Variants in MYO9B observed in about 807,000 individuals in gnomAD.
The protein encoded by MYO9B is unconventional myosin-IXb.
A neutral mutation model predicts 229.5 loss-of-function variants in MYO9B; 71 were observed. The observed-to-expected ratio is 0.31, with a 90% CI of 0.26 to 0.38. The LOEUF (loss-of-function observed/expected upper bound fraction) is 0.38, where lower values mean the gene tolerates loss of function less well. Ranked by LOEUF, MYO9B falls within the 10% of genes least tolerant of loss-of-function variation. The pLI is 1.00. For synonymous variants in MYO9B, 1,185 were observed against 1,235.8 expected, an observed-to-expected ratio of 0.96 and a Z score of 0.86; for missense variants, 2,255 against 2,920.5, an observed-to-expected ratio of 0.77 and a Z score of 5.25.
At chr19:17,169,770 G>A (rs1218568197) in intron 11 of MYO9B, among the ~76,000 whole-genome samples, 1 of 131,450 alleles carries the variant, frequency 7.6e-6, no homozygotes, top group African/African-American at 3.0e-5. Context: ...TTCCCTCTGT[G>A]TCTGCATCAT....
chr19:17,205,051 C>T (rs914082466), intron 30 of MYO9B, among the ~76,000 whole-genome samples: 1 of 151,344 alleles, frequency 6.6e-6, no homozygotes, highest in Non-Finnish European at 1.5e-5. Flanking sequence ...CTCGGGAGGC[C>T]GAGGCAGGAG....
chr19:17,123,424 TTGTGTG>T (rs3222984), intron 2 of MYO9B, among the ~76,000 whole-genome samples: 19,351 of 146,844 alleles, frequency 0.13, 1,461 homozygotes, highest in African/African-American at 0.22. Flanking sequence ...CAGTAGAAAT[TTGTGTG>T]TGTGTGTGTG....
At chr19:17,094,966 C>T (rs2057673985) in intron 1 of MYO9B, among the ~76,000 whole-genome samples, 1 of 150,282 alleles carries the variant, frequency 6.7e-6, no homozygotes, top group Admixed American at 6.6e-5. Context: ...TGGCCAGGCG[C>T]AGTGGCTCAT....
chr19:17,194,890 G>A lies in MYO9B; in HGVS notation c.3463G>A (p.Gly1155Arg), dbSNP rs1313413917. The A allele has an allele frequency of 6.2e-7, 1 of 1,613,384 alleles. No homozygotes were observed. The highest frequency in any genetic ancestry group is 1.1e-5 in the South Asian group (1 of 91,080). The change falls in exon 22 of 40, where the codon GGG (glycine) becomes AGG (arginine). Residue 1155 changes from glycine (G) to arginine (R), a missense_variant. Coordinates refer to ENST00000682292, the MANE Select transcript of MYO9B (RefSeq NM_004145.4). ...REKRESRRQRGLEHVKFQNKH... is the reference protein window; with the variant it reads ...REKRESRRQRRLEHVKFQNKH... ...GAAGCGTGAGTCGCGTCGGCAAAGAGGGCTGGAGCACGTCAAGTTCCAGAA... is the reference window on the plus strand; with the variant it reads ...GAAGCGTGAGTCGCGTCGGCAAAGAAGGCTGGAGCACGTCAAGTTCCAGAA...
chr19:17,204,669 C>A (rs1318388541), intron 30 of MYO9B, among the ~76,000 whole-genome samples: 1 of 151,138 alleles, frequency 6.6e-6, no homozygotes, highest in African/African-American at 2.4e-5. Flanking sequence ...CATGGCAAGA[C>A]CCCATCTATA....
intron 6 of MYO9B, among the ~76,000 whole-genome samples, chr19:17,155,209 A>G (rs1463653418): frequency 6.6e-6 from 1 of 150,874 alleles, no homozygotes; most frequent in East Asian, 2.0e-4. Context: ...TTTTTTTTAG[A>G]TGGGGTCTCG....
chr19:17,106,341 A>G (rs115550430), intron 2 of MYO9B, among the ~76,000 whole-genome samples: 1,796 of 152,204 alleles, frequency 0.012, 45 homozygotes, highest in African/African-American at 0.04. Flanking sequence ...GTGGCAGGCT[A>G]TGATATAGGT....
intron 2 of MYO9B, among the ~76,000 whole-genome samples, chr19:17,128,036 C>A (rs557127007): frequency 6.6e-6 from 1 of 152,244 alleles, no homozygotes; most frequent in African/African-American, 2.4e-5. Context: ...AACCCTCCCC[C>A]TGGCCACCAG....
chr19:17,205,164 A>AAAAG (rs113114523), intron 30 of MYO9B, 99 bp from the exon 31 acceptor site: 12,847 of 745,574 alleles, frequency 0.017, 81 homozygotes, highest in East Asian at 0.048. Context: ...AAAAAAAAAA[A>AAAAG]AAGAAGGCAA....
chr19:17,108,118 A>C (rs1381873077), intron 2 of MYO9B, among the ~76,000 whole-genome samples: 1 of 152,158 alleles, frequency 6.6e-6, no homozygotes, highest in African/African-American at 2.4e-5. Flanking sequence ...CACAGTCTCC[A>C]GTATGCCTTC....
chr19:17,181,260 G>A (rs1352988797), intron 15 of MYO9B, among the ~76,000 whole-genome samples: 1 of 152,232 alleles, frequency 6.6e-6, no homozygotes, highest in Non-Finnish European at 1.5e-5. Context: ...AGCACACGGG[G>A]CAGCTTCCCA....
intron 17 of MYO9B, 128 bp downstream of exon 17, chr19:17,185,115 C>T: frequency 1.5e-6 from 2 of 1,357,034 alleles, no homozygotes; most frequent in Non-Finnish European, 2.0e-6. Context: ...GTGGCTCAAG[C>T]CTGTAATCCC....
intron 3 of MYO9B, among the ~76,000 whole-genome samples, chr19:17,151,830 C>A (rs2072480257): frequency 6.6e-6 from 1 of 152,132 alleles, no homozygotes; most frequent in Admixed American, 6.6e-5. Context: ...CCCAGGAGAA[C>A]AAGGCTGCAT....
chr19:17,207,155 G>T lies in MYO9B; in HGVS notation c.5535G>T (p.Ala1845=). The part of the protein sequence containing the change: ...LEDVNRMSPG[A]LAIIFAPCLL... ...ATGTCAACCGCATGTCACCTGGGGC[G>T]CTGGCCATTATCTTCGCACCCTGCC... Residue 1845 remains alanine, a synonymous_variant, in exon 35 of 40, where the codon GCG becomes GCT. Transcript: ENST00000682292. 2 of 1,608,336 alleles carry T rather than the reference G, an allele frequency of 1.2e-6. No individual in the cohort carries two copies. Among genetic ancestry groups the T allele is most frequent in the South Asian group, 1.1e-5 (1 of 90,002 alleles).
In MYO9B at chr19:17,101,517, G is replaced by A. The variant is rs1044543084; in HGVS notation, c.-58-143G>A. On this transcript the variant is annotated intron_variant, in intron 1 of 39. Coordinates refer to ENST00000682292, the MANE Select transcript of MYO9B (RefSeq NM_004145.4). The surrounding 1 kb of genome is among the most constrained non-coding windows in gnomAD (Gnocchi z 4.7). The stretch of plus-strand genomic sequence containing the variant: ...CCCTCACGGGATGTCGTGACTGGTT[G>A]CCTCTGGCTTTTTGGGCGAGCCTAG... 8 of 731,854 alleles carry A rather than the reference G, an allele frequency of 1.1e-5. No homozygotes were observed. The highest frequency in any genetic ancestry group is 1.7e-5 in the Non-Finnish European group (8 of 463,988). The allele number at this position is 731,854 out of a possible 1,614,324, so 45.3% of individuals were successfully genotyped here.
chr19:17,089,907 G>A (rs990251936), intron 1 of MYO9B, among the ~76,000 whole-genome samples: 11 of 151,744 alleles, frequency 7.2e-5, no homozygotes, highest in African/African-American at 1.7e-4. Context: ...AGGAAACCCC[G>A]TCCCCATTAG....
intron 11 of MYO9B, among the ~76,000 whole-genome samples, chr19:17,168,650 G>A (rs932498560): frequency 1.3e-5 from 2 of 152,216 alleles, no homozygotes; most frequent in African/African-American, 2.4e-5. Flanking sequence ...TAGACACTGG[G>A]GCCAGACGTG....
chr19:17,111,974 A>G (rs2344732), intron 2 of MYO9B, among the ~76,000 whole-genome samples: 9,588 of 152,176 alleles, frequency 0.063, 327 homozygotes, highest in South Asian at 0.11. Context: ...CTTCCTTTTC[A>G]TGGCTGCATC....
At chr19:17,163,244 C>T (rs2072623845) in intron 10 of MYO9B, 122 bp downstream of exon 10, 4 of 1,099,848 alleles carry the variant, frequency 3.6e-6, no homozygotes, top group Middle Eastern at 2.6e-4. Context: ...CACATATTCG[C>T]ATTGTTATGC....
Sources: allele counts gnomAD v4.1 joint callset (sites outside exome capture counted in the v4.1 genomes callset), GRCh38; gene constraint gnomAD v4.1.1; non-coding constraint Gnocchi (gnomAD v3.1); transcripts MANE v1.5; gene names NCBI Gene and HGNC (gene_info 2026-07-23, HGNC 2026-07-21).